EXD3: variants seen among roughly 807,000 people sequenced by gnomAD.
EXD3 encodes exonuclease mut-7 homolog.
A neutral mutation model predicts 98.0 loss-of-function variants in EXD3; 92 were observed. That is an observed-to-expected ratio of 0.94 (90% CI 0.79 to 1.12). EXD3 has a LOEUF of 1.12. EXD3 is among the 50% of genes most tolerant of loss of function. The probability of loss-of-function intolerance (pLI) is 0.00; values close to 1 mark genes in which losing one functional copy is unlikely to be tolerated. For missense variants in EXD3, 1,222 were observed against 1,191.6 expected, an observed-to-expected ratio of 1.03 and a Z score of -0.38; for synonymous variants, 569 against 526.0, an observed-to-expected ratio of 1.08 and a Z score of -1.12.
chr9:137,352,548 C>A, intron 11 of EXD3, 72 bp downstream of exon 11: 5 of 1,371,764 alleles, frequency 3.6e-6, no homozygotes, highest in Non-Finnish European at 4.8e-6. Context: ...GACTGGTGAG[C>A]TGTCGTCCCA....
At chr9:137,384,063 G>A (rs1318197997) in intron 2 of EXD3, among the ~76,000 whole-genome samples, 2 of 152,226 alleles carry the variant, frequency 1.3e-5, no homozygotes, top group African/African-American at 4.8e-5. Flanking sequence ...GGGAGGGGCA[G>A]GTGCCAGCAG....
At chr9:137,338,113 T>C (rs1833457173) in intron 17 of EXD3, among the ~76,000 whole-genome samples, 3 of 152,162 alleles carry the variant, frequency 2.0e-5, no homozygotes, top group Admixed American at 2.0e-4. Context: ...TTACAGTCCA[T>C]GTGGATCATT....
chr9:137,377,577 CAGACG>C lies in EXD3; in HGVS notation c.121-3983_121-3979del, dbSNP rs1280086054. On this transcript the variant is annotated intron_variant, in intron 3 of 21. Coordinates refer to ENST00000340951, the MANE Select transcript of EXD3 (RefSeq NM_017820.5). Reference sequence around the variant, plus strand: ...TCGCTTGAGGTCAGAAGTTTAAGACCAGACGTGCTGATGCGCACCTTTAATCTCAG... The same window carrying C: ...TCGCTTGAGGTCAGAAGTTTAAGACCTGCTGATGCGCACCTTTAATCTCAG... Among the ~76,000 whole-genome samples the C allele has an allele frequency of 2.6e-5, 4 of 151,300 alleles. No individual in the cohort carries two copies. In the East Asian group the frequency reaches 7.9e-4, roughly 30 times the overall value.
At chr9:137,365,951 A>G (rs772291818) in intron 7 of EXD3, 3 of 481,748 alleles carry the variant, frequency 6.2e-6, no homozygotes, top group Non-Finnish European at 1.2e-5. Flanking sequence ...ACGTGCACAC[A>G]CGCACATATC....
chr9:137,421,854 TAAAA>T (rs1472064987), intron 1 of EXD3, among the ~76,000 whole-genome samples: 2 of 152,244 alleles, frequency 1.3e-5, no homozygotes, highest in Non-Finnish European at 2.9e-5. Context: ...AACAAATAAA[TAAAA>T]AGAAAGAAGA....
chr9:137,311,789 C>T (rs1018926395), intron 19 of EXD3, among the ~76,000 whole-genome samples: 1 of 152,226 alleles, frequency 6.6e-6, no homozygotes, highest in African/African-American at 2.4e-5. Context: ...GAGGGCCTCC[C>T]TGTCCATCTG....
Position 137,382,966 on chromosome 9 carries a change from C to T in EXD3, c.120+347G>A, listed in dbSNP as rs79200544. ...CTGGACACCTGCCCCAGTGGCCACC[C>T]GGGCCTGGGTGCTCTGGCGGTGGCA... On this transcript the variant is annotated intron_variant, in intron 3 of 21. Coordinates refer to ENST00000340951, the MANE Select transcript of EXD3 (RefSeq NM_017820.5). Among the ~76,000 whole-genome samples, 17 of 152,350 alleles carry T rather than the reference C, an allele frequency of 1.1e-4. No homozygotes were observed. In the East Asian group the frequency reaches 1.9e-3, roughly 17 times the overall value.
intron 4 of EXD3, 143 bp downstream of exon 4, chr9:137,373,283 T>G: frequency 8.5e-7 from 1 of 1,180,004 alleles, no homozygotes; most frequent in Non-Finnish European, 1.2e-6. Flanking sequence ...GGGCTGAGTC[T>G]TGGCCATAGC....
intron 17 of EXD3, among the ~76,000 whole-genome samples, chr9:137,335,712 C>G (rs1833322541): frequency 6.6e-6 from 1 of 152,102 alleles, no homozygotes; most frequent in Non-Finnish European, 1.5e-5. Flanking sequence ...ATTAGTACAA[C>G]ATCTGTGAAA....
chr9:137,330,101 ACAGGAGC>A (rs1832933338), intron 17 of EXD3, among the ~76,000 whole-genome samples: 2 of 57,036 alleles, frequency 3.5e-5, no homozygotes, highest in Admixed American at 3.2e-4. Context: ...ACAGGGCTCC[ACAGGAGC>A]TACACAGGAG....
At chr9:137,321,319 C>G (rs1415870793) in intron 19 of EXD3, among the ~76,000 whole-genome samples, 1 of 152,214 alleles carries the variant, frequency 6.6e-6, no homozygotes, top group Non-Finnish European at 1.5e-5. Flanking sequence ...AGCCCAGGCA[C>G]CAGCAGGGAC....
At chr9:137,352,532 C>T (rs529506348) in intron 11 of EXD3, 88 bp downstream of exon 11, 41 of 1,268,664 alleles carry the variant, frequency 3.2e-5, no homozygotes, top group Admixed American at 1.7e-4. Context: ...AAGCCACTGG[C>T]GTGAAGACTG....
intron 6 of EXD3, 75 bp from the exon 7 acceptor site, chr9:137,366,707 G>A (rs374644983): frequency 1.5e-5 from 22 of 1,498,880 alleles, no homozygotes; most frequent in East Asian, 9.9e-5. Flanking sequence ...AACCCAGAGG[G>A]AGCGGCCAAA....
At chr9:137,321,305 G>T (rs117726422) in intron 19 of EXD3, among the ~76,000 whole-genome samples, 1 of 152,180 alleles carries the variant, frequency 6.6e-6, no homozygotes, top group Non-Finnish European at 1.5e-5. Context: ...GCCCCTCCCT[G>T]CCCAGCCCAG....
chr9:137,402,525 C>T (rs566670502), intron 1 of EXD3, among the ~76,000 whole-genome samples: 1 of 152,302 alleles, frequency 6.6e-6, no homozygotes, highest in Admixed American at 6.5e-5. Flanking sequence ...CCATTTGAGA[C>T]CATCTCAGCC....
intron 7 of EXD3, among the ~76,000 whole-genome samples, chr9:137,357,922 G>C (rs1367557350): frequency 2.0e-5 from 3 of 151,968 alleles, no homozygotes; most frequent in Non-Finnish European, 4.4e-5. Flanking sequence ...TGTAGGCTGG[G>C]AGGGTAGGCC....
intron 2 of EXD3, among the ~76,000 whole-genome samples, chr9:137,394,709 G>A (rs920690607): frequency 6.6e-6 from 1 of 151,198 alleles, no homozygotes; most frequent in African/African-American, 2.4e-5. Flanking sequence ...CCGAGCGAGC[G>A]GGGATGCGGC....
intron 17 of EXD3, among the ~76,000 whole-genome samples, chr9:137,338,258 G>A (rs190475112): frequency 6.6e-6 from 1 of 152,266 alleles, no homozygotes; most frequent in Admixed American, 6.5e-5. Flanking sequence ...CAAGATCCAA[G>A]CTTTCTAAAA....
At chr9:137,311,366 TG>T (rs1410239441) in intron 19 of EXD3, among the ~76,000 whole-genome samples, 1 of 152,178 alleles carries the variant, frequency 6.6e-6, no homozygotes, top group Non-Finnish European at 1.5e-5. Context: ...AACAAGCAGG[TG>T]GTCCACCCTC....
Sources: allele counts gnomAD v4.1 joint callset (sites outside exome capture counted in the v4.1 genomes callset), GRCh38; gene constraint gnomAD v4.1.1; transcripts MANE v1.5; gene names NCBI Gene and HGNC (gene_info 2026-07-23, HGNC 2026-07-21).